Variants in NDRG3 observed in about 807,000 individuals in gnomAD.
NDRG3 encodes the protein NDRG family member 3, also known as protein NDRG3.
In NDRG3, 23 loss-of-function variants were observed where a neutral mutation model predicts 57.2. The observed-to-expected ratio is 0.40, with a 90% CI of 0.29 to 0.57. The LOEUF (loss-of-function observed/expected upper bound fraction) is 0.57. Ranked by LOEUF, NDRG3 falls within the 20% of genes least tolerant of loss-of-function variation. NDRG3 has a pLI of 0.42. For synonymous variants in NDRG3, 132 were observed against 162.6 expected (o/e 0.81, Z 1.43); for missense variants, 384 against 457.3 (o/e 0.84, Z 1.46).
chr20:36,725,433 T>C (rs1265562058), intron 1 of NDRG3, among the ~76,000 whole-genome samples: 5 of 151,644 alleles, frequency 3.3e-5, no homozygotes, highest in Non-Finnish European at 1.5e-5. Flanking sequence ...TGAAACCCTG[T>C]CTCTACTAAC....
At chr20:36,698,165 A>G (rs1455809235) in intron 3 of NDRG3, among the ~76,000 whole-genome samples, 4 of 151,708 alleles carry the variant, frequency 2.6e-5, no homozygotes, top group Admixed American at 6.6e-5. Flanking sequence ...TACCATTTCA[A>G]CATGTTGGCC....
At chr20:36,719,638 A>C (rs1350841346) in intron 2 of NDRG3, among the ~76,000 whole-genome samples, 1 of 151,928 alleles carries the variant, frequency 6.6e-6, no homozygotes, top group African/African-American at 2.4e-5. Flanking sequence ...AGTAATAAGC[A>C]ACAGATCATC....
chr20:36,742,982 A>G (rs1985990888), intron 1 of NDRG3, among the ~76,000 whole-genome samples: 1 of 152,212 alleles, frequency 6.6e-6, no homozygotes, highest in Admixed American at 6.5e-5. Flanking sequence ...TACAGTAAAA[A>G]TTGTGATTAC....
intron 6 of NDRG3, 60 bp downstream of exon 6, chr20:36,684,353 T>A (rs1240933589): frequency 1.8e-5 from 25 of 1,393,566 alleles, no homozygotes; most frequent in Non-Finnish European, 2.4e-5. Flanking sequence ...AAACAGACAC[T>A]AAATAATTCA....
intron 5 of NDRG3, among the ~76,000 whole-genome samples, chr20:36,686,354 A>C (rs1375194942): frequency 6.6e-6 from 1 of 152,212 alleles, no homozygotes; most frequent in Non-Finnish European, 1.5e-5. Context: ...TCACTTATAA[A>C]ATGGGAATAA....
Position 36,721,726 on chromosome 20 carries a change from G to C in NDRG3, c.10C>G (p.Leu4Val). The C allele has an allele frequency of 6.2e-7, 1 of 1,609,032 alleles. No individual in the cohort carries two copies. ...ATCTCTGTGAGCTGAACATCCTGAA[G>C]TTCATCCATGAGGTCAGATAACGAG... MDE[L>V]QDVQLTEIKP... is the part of the protein sequence containing the mutation. The change falls in exon 2 of 16, where the codon CTT (leucine) becomes GTT (valine). Residue 4 changes from leucine to valine, a missense_variant. Transcript: ENST00000349004.
chr20:36,708,521 G>A (rs1004859873), intron 2 of NDRG3, among the ~76,000 whole-genome samples: 7 of 151,348 alleles, frequency 4.6e-5, no homozygotes, highest in African/African-American at 1.2e-4. Flanking sequence ...GCATGGAGGC[G>A]CCTGTAATCC....
rs754412912 is a variant in NDRG3, at chr20:36,656,520, C to G, written c.871G>C (p.Gly291Arg). 6.2e-7 allele frequency: 1 copy of G among 1,614,054 alleles called. No individual in the cohort carries two copies. The highest frequency in any genetic ancestry group is 8.5e-7 in the Non-Finnish European group (1 of 1,179,936). Residue 291 changes from glycine to arginine, a missense_variant, in exon 14 of 16, where the codon GGG (glycine) becomes CGG (arginine). Coordinates refer to ENST00000349004, the MANE Select transcript of NDRG3 (RefSeq NM_032013.4). ...ACCTGAACTACCTGGGGCAGTCCCC[C>G]ACAGTCCGCCATCTAGAAAAGGAAA... is the stretch of plus-strand genomic sequence containing the variant. The part of the protein sequence containing the change: ...NTTLLKMADC[G>R]GLPQVVQPGK...
At chr20:36,712,105 G>T (rs556687926) in intron 2 of NDRG3, among the ~76,000 whole-genome samples, 120 of 151,034 alleles carry the variant, frequency 7.9e-4, no homozygotes, top group Admixed American at 1.2e-3. Context: ...TGTTTTTTTT[G>T]TTGTTGTTTT....
intron 3 of NDRG3, among the ~76,000 whole-genome samples, chr20:36,699,241 A>G (rs1983048449): frequency 6.6e-6 from 1 of 152,198 alleles, no homozygotes. Flanking sequence ...CAGCACAGCC[A>G]GCCTATAACT....
chr20:36,655,898 G>A (rs1424500557), intron 15 of NDRG3, among the ~76,000 whole-genome samples: 1 of 152,134 alleles, frequency 6.6e-6, no homozygotes, highest in East Asian at 1.9e-4. Flanking sequence ...CACTTTGGGA[G>A]GCCAAGGCAG....
chr20:36,704,411 T>C (rs1287750395), intron 3 of NDRG3, among the ~76,000 whole-genome samples: 14 of 152,132 alleles, frequency 9.2e-5, no homozygotes, highest in Non-Finnish European at 1.5e-5. Flanking sequence ...AGGTGCTGAA[T>C]TTGATGAAAA....
At chr20:36,739,579 G>A (rs945566598) in intron 1 of NDRG3, among the ~76,000 whole-genome samples, 23 of 151,104 alleles carry the variant, frequency 1.5e-4, no homozygotes, top group African/African-American at 4.6e-4. Flanking sequence ...AGCCTGAGGT[G>A]GGCGGATCAC....
At chr20:36,723,741 C>A (rs1307134678) in intron 1 of NDRG3, among the ~76,000 whole-genome samples, 1 of 148,682 alleles carries the variant, frequency 6.7e-6, no homozygotes, top group East Asian at 2.0e-4. Flanking sequence ...TAGTCTTGCT[C>A]TGTCACCCAG....
intron 2 of NDRG3, 152 bp downstream of exon 2, chr20:36,721,527 C>G: frequency 4.5e-6 from 2 of 449,088 alleles, no homozygotes; most frequent in South Asian, 3.2e-5. Context: ...GACACCGTCT[C>G]AAAAAAAAAA....
rs1191567239 is a variant in NDRG3, at chr20:36,662,187, T to A, written c.811-1803A>T. Among the ~76,000 whole-genome samples, 9 of 152,090 alleles carry A rather than the reference T, an allele frequency of 5.9e-5. No individual in the cohort carries two copies. In the East Asian group the frequency reaches 1.7e-3, roughly 29 times the overall value. On this transcript the variant is annotated intron_variant, in intron 12 of 15. Transcript: ENST00000349004. ...AATTTCAACAACATTATAAGAAGTC[T>A]TGATACCTAGTAGAACAACCACAAT...
intron 3 of NDRG3, among the ~76,000 whole-genome samples, chr20:36,693,105 A>AAAAAATAT (rs56739356): frequency 7.7e-5 from 2 of 25,854 alleles, no homozygotes; most frequent in African/African-American, 1.5e-4. Context: ...AAAAAAAAAA[A>AAAAAATAT]ATATATATAT....
intron 8 of NDRG3, among the ~76,000 whole-genome samples, chr20:36,676,064 C>T (rs550426712): frequency 6.6e-6 from 1 of 151,890 alleles, no homozygotes; most frequent in East Asian, 2.0e-4. Flanking sequence ...CACGGTGAAA[C>T]CCCGTCTCTA....
intron 1 of NDRG3, among the ~76,000 whole-genome samples, chr20:36,727,523 CTT>C (rs1985012308): frequency 6.6e-6 from 1 of 150,566 alleles, no homozygotes; most frequent in Non-Finnish European, 1.5e-5. Context: ...CCCAGCCTTT[CTT>C]TCTTTCTTTT....
Sources: allele counts gnomAD v4.1 joint callset (sites outside exome capture counted in the v4.1 genomes callset), GRCh38; gene constraint gnomAD v4.1.1; transcripts MANE v1.5; gene names NCBI Gene and HGNC (gene_info 2026-07-23, HGNC 2026-07-21).